HSD17B4: variants seen among roughly 807,000 people sequenced by gnomAD.
HSD17B4 encodes the protein hydroxysteroid 17-beta dehydrogenase 4, also known as peroxisomal multifunctional enzyme type 2.
In HSD17B4, 70 loss-of-function variants were observed where a neutral mutation model predicts 101.0. That is an observed-to-expected ratio of 0.69 (90% CI 0.57 to 0.85). The LOEUF (loss-of-function observed/expected upper bound fraction) is 0.85. Ranked by LOEUF, HSD17B4 falls within the 40% of genes least tolerant of loss-of-function variation. The pLI, the probability that HSD17B4 is intolerant of heterozygous loss-of-function variation, is 0.00. For synonymous variants in HSD17B4, 347 were observed against 297.1 expected, an observed-to-expected ratio of 1.17 and a Z score of -1.73; for missense variants, 984 against 892.4, an observed-to-expected ratio of 1.10 and a Z score of -1.31.
chr5:119,500,029 T>C (rs1751015645), intron 13 of HSD17B4, among the ~76,000 whole-genome samples: 2 of 152,088 alleles, frequency 1.3e-5, no homozygotes, highest in South Asian at 4.1e-4. Flanking sequence ...TAGGAGAAGG[T>C]CATGGAGTAA....
chr5:119,477,941 C>G (rs1374604587), intron 7 of HSD17B4: 3 of 181,572 alleles, frequency 1.7e-5, no homozygotes, highest in Non-Finnish European at 3.5e-5. Flanking sequence ...TTGGTAGAGA[C>G]AGTATCTCGT....
chr5:119,466,807 A>C (rs1017084575), intron 2 of HSD17B4, among the ~76,000 whole-genome samples: 4 of 151,510 alleles, frequency 2.6e-5, no homozygotes, highest in African/African-American at 9.7e-5. Flanking sequence ...ATCTTTATTA[A>C]TTCTATCTAC....
At chr5:119,525,406 T>C (rs1305444458) in intron 18 of HSD17B4, 121 bp downstream of exon 18, 2 of 714,074 alleles carry the variant, frequency 2.8e-6, no homozygotes, top group Admixed American at 2.0e-5. Context: ...AATGTTATTT[T>C]ATTTATTACA....
In HSD17B4 at chr5:119,473,851, C is replaced by T. The variant is rs919404274; in HGVS notation, c.113-57C>T. 1.4e-5 allele frequency: 14 copies of T among 1,014,164 alleles called. No homozygotes were observed. The African/African-American group carries it at 2.2e-4, about 16-fold the overall frequency. 62.8% of individuals were successfully genotyped at this position (1,014,164 alleles called of 1,614,324 possible). ...GAATTTCATTTTCCACACACACACA[C>T]ACACATTTTGAAAGTCTAGAATAAT... On this transcript the variant is annotated intron_variant, in intron 2 of 23. Coordinates refer to ENST00000510025, the MANE Select transcript of HSD17B4 (RefSeq NM_000414.4).
intron 13 of HSD17B4, 100 bp downstream of exon 13, chr5:119,499,653 A>T: frequency 1.7e-6 from 1 of 583,126 alleles, no homozygotes; most frequent in South Asian, 2.6e-5. Flanking sequence ...GTGTGTATAT[A>T]TATTTATATA....
chr5:119,509,732 C>G (rs373836281), intron 16 of HSD17B4, among the ~76,000 whole-genome samples: 3 of 152,164 alleles, frequency 2.0e-5, no homozygotes, highest in African/African-American at 7.2e-5. Flanking sequence ...TCGATTTGCT[C>G]ATTTACCAAC....
chr5:119,504,852 A>G (rs1332233083), intron 14 of HSD17B4, among the ~76,000 whole-genome samples: 4 of 151,998 alleles, frequency 2.6e-5, no homozygotes, highest in African/African-American at 4.8e-5. Context: ...GGTATTTCCT[A>G]TGTTTTATTC....
In HSD17B4 at chr5:119,475,871, G is replaced by T. The variant is rs1057516958; in HGVS notation, c.349+1G>T. The T allele has an allele frequency of 1.3e-6, 2 of 1,588,724 alleles. No homozygotes were observed. The highest frequency in any genetic ancestry group is 1.3e-5 in the African/African-American group (1 of 74,714). ...GCTAGGATAAGTGATGAAGACTGGG[G>T]TAAGTTGTTTTTAGTATTTCTCTGG... On this transcript the variant is annotated splice_donor_variant, in intron 6 of 23. Transcript: ENST00000510025. LOFTEE classifies it high-confidence loss of function.
intron 9 of HSD17B4, among the ~76,000 whole-genome samples, chr5:119,491,461 C>CTTTT (rs11308278): frequency 7.6e-6 from 1 of 131,474 alleles, no homozygotes; most frequent in African/African-American, 2.8e-5. Context: ...ACTCATCAGA[C>CTTTT]TTTTTTTTTT....
intron 7 of HSD17B4, chr5:119,477,707 T>C: frequency 1.8e-6 from 1 of 556,582 alleles, no homozygotes; most frequent in Non-Finnish European, 3.3e-6. Flanking sequence ...GCTTTATATT[T>C]ATTTTTTACC....
chr5:119,506,917 T>C, intron 15 of HSD17B4, 28 bp downstream of exon 15: 1 of 1,152,174 alleles, frequency 8.7e-7, no homozygotes, highest in South Asian at 1.2e-5. Flanking sequence ...CTTATAATAA[T>C]ATTGTTAGAT....
chr5:119,479,295 A>C (rs1748896224), intron 8 of HSD17B4, among the ~76,000 whole-genome samples: 1 of 151,988 alleles, frequency 6.6e-6, no homozygotes, highest in African/African-American at 2.4e-5. Context: ...ATGGGGTAAT[A>C]TTCTTCCTGT....
chr5:119,524,976 A>T (rs1043097368), intron 17 of HSD17B4, among the ~76,000 whole-genome samples: 3 of 152,134 alleles, frequency 2.0e-5, no homozygotes, highest in Admixed American at 6.6e-5. Flanking sequence ...TTTTACCTAA[A>T]TATAATTCTT....
rs956758458 is a variant in HSD17B4 at position 119,482,927 on chromosome 5, C to T, written c.622+3906C>T. 3.3e-5 allele frequency among the ~76,000 whole-genome samples: 5 copies of T among 150,880 alleles called. No homozygotes were observed. In the East Asian group the frequency reaches 9.7e-4, roughly 29 times the overall value. ...TTTTTTTCTTTTTTTCTTTTCCTTC[C>T]CTTATTTGAGATGGGAAAGCTAGAG... On this transcript the variant is annotated intron_variant, in intron 8 of 23. Coordinates refer to ENST00000510025, the MANE Select transcript of HSD17B4 (RefSeq NM_000414.4).
intron 6 of HSD17B4, among the ~76,000 whole-genome samples, chr5:119,476,196 G>A (rs752000546): frequency 5.9e-5 from 9 of 151,930 alleles, no homozygotes; most frequent in South Asian, 2.1e-4. Context: ...AGCCTTTAAC[G>A]TGCTTATCCA....
rs554973425 is a variant in HSD17B4, at chr5:119,465,115, T to C, written c.112+8747T>C. On this transcript the variant is annotated intron_variant, in intron 2 of 23. Coordinates refer to ENST00000510025, the MANE Select transcript of HSD17B4 (RefSeq NM_000414.4). ...AAAAAGAATGCCACTGGCATTTTGA[T>C]AGAGATTGCATTGAACCTGTAGATC... Among the ~76,000 whole-genome samples the C allele has an allele frequency of 2.6e-5, 4 of 152,300 alleles. No individual in the cohort carries two copies. The East Asian group carries it at 7.7e-4, about 29-fold the overall frequency.
chr5:119,531,555 A>G (rs1016387288), intron 22 of HSD17B4, 151 bp downstream of exon 22: 1 of 680,826 alleles, frequency 1.5e-6, no homozygotes, highest in Non-Finnish European at 2.5e-6. Flanking sequence ...AGGTTTGGGA[A>G]TGTCCAAAGG....
intron 16 of HSD17B4, among the ~76,000 whole-genome samples, chr5:119,509,685 A>G (rs1751995600): frequency 3.3e-5 from 5 of 152,098 alleles, no homozygotes; most frequent in Admixed American, 3.3e-4. Context: ...GGCTTGGTCG[A>G]CTGCTGCAGG....
At chr5:119,456,638 T>G in intron 2 of HSD17B4, 1 of 469,198 alleles carries the variant, frequency 2.1e-6, no homozygotes, top group Non-Finnish European at 3.9e-6. Context: ...CTCCAGTGAC[T>G]CAGGAGGCTG....
Sources: allele counts gnomAD v4.1 joint callset (sites outside exome capture counted in the v4.1 genomes callset), GRCh38; gene constraint gnomAD v4.1.1; transcripts MANE v1.5; gene names NCBI Gene and HGNC (gene_info 2026-07-23, HGNC 2026-07-21).